The following CTSE variants were observed in gnomAD, a reference collection of about 807,000 sequenced individuals.
CTSE encodes erythrocyte membrane aspartic proteinase.
CTSE carries 43 observed loss-of-function variants against 42.8 expected under a neutral mutation model. The ratio of observed to expected loss-of-function variants is 1.01; its 90% CI spans 0.79 to 1.30. The LOEUF is 1.30. Ranked by LOEUF, CTSE falls within the 50% of genes most tolerant of loss-of-function variation. CTSE has a pLI of 0.00. For synonymous variants in CTSE, 205 were observed against 191.5 expected, an observed-to-expected ratio of 1.07 and a Z score of -0.58; for missense variants, 532 against 493.5, an observed-to-expected ratio of 1.08 and a Z score of -0.74.
At chr1:206,017,818 C>T (rs765173486) in intron 4 of CTSE, among the ~76,000 whole-genome samples, 2 of 152,058 alleles carry the variant, frequency 1.3e-5, no homozygotes, top group African/African-American at 4.8e-5. Flanking sequence ...CCAGCAACTT[C>T]GCTAAGTTCA....
chr1:206,013,274 A>G (rs1661168232), intron 6 of CTSE, among the ~76,000 whole-genome samples: 1 of 152,030 alleles, frequency 6.6e-6, no homozygotes, highest in South Asian at 2.1e-4. Flanking sequence ...CTCAGTTTCA[A>G]TGTAACCCCC....
chr1:206,016,659 T>G (rs1661273018), intron 4 of CTSE, among the ~76,000 whole-genome samples: 1 of 152,124 alleles, frequency 6.6e-6, no homozygotes, highest in Non-Finnish European at 1.5e-5. Context: ...TATCTGGATA[T>G]TCATATGACC....
At chr1:206,022,121 T>A in intron 3 of CTSE, 29 bp downstream of exon 3, 1 of 1,480,884 alleles carries the variant, frequency 6.8e-7, no homozygotes, top group Non-Finnish European at 9.3e-7. Flanking sequence ...CCCCAGACAT[T>A]CTCTGCTGGT....
rs1397080470 is a variant in CTSE, at chr1:206,012,378, A to G, written c.956T>C (p.Val319Ala). The change falls in exon 8 of 9, where the codon GTC becomes GCC. Residue 319 changes from valine to alanine, a missense_variant. By Grantham distance (64) the Val-to-Ala change is moderately conservative. Coordinates refer to ENST00000358184, the MANE Select transcript of CTSE (RefSeq NM_001910.4). ...AATGGTGAAGGTGACATCCGGCATG[A>G]CGTTAAGGTTGGCACACTCCACAGC... ...EYAVECANLN[V>A]MPDVTFTING... is the part of the protein sequence containing the mutation. The G allele has an allele frequency of 1.2e-5, 19 of 1,613,832 alleles. No individual in the cohort carries two copies. The highest frequency in any genetic ancestry group is 1.6e-5 in the Non-Finnish European group (19 of 1,179,922).
intron 4 of CTSE, among the ~76,000 whole-genome samples, chr1:206,018,598 A>G (rs1553277954): frequency 6.6e-6 from 1 of 151,910 alleles, no homozygotes; most frequent in African/African-American, 2.4e-5. Context: ...TCTTTAAAAG[A>G]TTCACATTTT....
chr1:206,018,989 G>A (rs1464423641), intron 4 of CTSE, among the ~76,000 whole-genome samples: 2 of 151,958 alleles, frequency 1.3e-5, no homozygotes, highest in Admixed American at 1.3e-4. Context: ...TGAAATAGGA[G>A]CTTAGATAAT....
At chr1:206,015,561 T>G (rs1553277611) in intron 5 of CTSE, among the ~76,000 whole-genome samples, 2 of 152,080 alleles carry the variant, frequency 1.3e-5, no homozygotes, top group South Asian at 2.1e-4. Context: ...ATTGTCAGCT[T>G]TTCATTTTTT....
chr1:206,023,776 G>T lies in CTSE; in HGVS notation c.16C>A (p.Leu6Ile). The T allele has an allele frequency of 6.2e-7, 1 of 1,613,756 alleles. No homozygotes were observed. The highest frequency in any genetic ancestry group is 1.1e-5 in the South Asian group (1 of 91,064). The change falls in exon 1 of 9, where the codon CTT becomes ATT. Residue 6 changes from leucine to isoleucine, a missense_variant. Transcript: ENST00000358184. ...AGCTCCAGGAGCACCAGCAGCAAAA[G>T]AAGGAGCGTTTTCATTGTGAGTCCG... MKTLL[L>I]LLLVLLELGE...
Position 206,021,038 on chromosome 1 carries a change from C to T in CTSE, c.462+11G>A, listed in dbSNP as rs1661401268. On this transcript the variant is annotated intron_variant, in intron 4 of 8. Coordinates refer to ENST00000358184, the MANE Select transcript of CTSE (RefSeq NM_001910.4). ...TGTCCAAGAGAGAAAAAATGAAGGA[C>T]TTGCACTCACAGAGACTTGGTCGGC... The T allele has an allele frequency of 6.4e-7, 1 of 1,566,962 alleles. No homozygotes were observed. The highest frequency in any genetic ancestry group is 8.8e-7 in the Non-Finnish European group (1 of 1,136,896).
chr1:206,015,783 CAG>C, intron 5 of CTSE, 146 bp downstream of exon 5: 1 of 676,702 alleles, frequency 1.5e-6, no homozygotes, highest in Non-Finnish European at 2.5e-6. Context: ...CCTCAATATT[CAG>C]AGAGGTTAAA....
rs148324445 is a variant in CTSE, at chr1:206,014,292, C to T, written c.663-398G>A. Among the ~76,000 whole-genome samples, 78 of 151,990 alleles carry T rather than the reference C, an allele frequency of 5.1e-4. 1 individual carries two copies. Among genetic ancestry groups the T allele is most frequent in the African/African-American group, 1.7e-3 (70 of 41,486 alleles). On this transcript the variant is annotated intron_variant, in intron 5 of 8. Transcript: ENST00000358184. ...CCACTATGGTTGTGACAGTGCCTGG[C>T]GTTTTTGTGTTATTCACTCCTTATG...
In CTSE at chr1:206,012,498, A is replaced by G. The variant is rs1661134377; in HGVS notation, c.927+10T>C. 3 of 1,613,880 alleles carry G rather than the reference A, an allele frequency of 1.9e-6. No homozygotes were observed. The highest frequency in any genetic ancestry group is 1.7e-5 in the Admixed American group (1 of 59,998). On this transcript the variant is annotated intron_variant, in intron 7 of 8. Transcript: ENST00000358184. ...GTCCCCACCACTCCCTTGCGCAGGC[A>G]GGCACTCACTTCTCCATCCACGGGG...
Position 206,023,853 on chromosome 1 carries a change from G to A in CTSE, c.-62C>T, listed in dbSNP as rs375297617. The A allele has an allele frequency of 6.4e-7, 1 of 1,554,564 alleles. No homozygotes were observed. Among genetic ancestry groups the A allele is most frequent in the Non-Finnish European group, 8.9e-7 (1 of 1,128,884 alleles). On this transcript the variant is annotated 5_prime_UTR_variant, in exon 1 of 9. Transcript: ENST00000358184. ...CTTTCTTCTCTCCCCGAGGGCAGTG[G>A]GAACGGACTTTCCCTAACTCTCAGA...
At chr1:206,020,042 C>A in intron 4 of CTSE, among the ~76,000 whole-genome samples, 1 of 142,692 alleles carries the variant, frequency 7.0e-6, no homozygotes. Context: ...TAATATATAA[C>A]ATGTATTATA....
chr1:206,020,158 A>C (rs1007777417), intron 4 of CTSE, among the ~76,000 whole-genome samples: 1 of 147,766 alleles, frequency 6.8e-6, no homozygotes, highest in Non-Finnish European at 1.5e-5. Context: ...TGTATATTAC[A>C]TATATTCATA....
rs782126822 is a variant in CTSE, at chr1:206,016,161, A to G, written c.463-31T>C. The G allele has an allele frequency of 2.9e-5, 47 of 1,596,656 alleles. 1 individual carries two copies. The highest frequency in any genetic ancestry group is 3.9e-5 in the Non-Finnish European group (45 of 1,164,922). ...AGGAGAAAGCCCACAGGAGAACAGGAGAATGGCACAGGGGATTGCTGGCAA... is the reference window on the plus strand; with the variant it reads ...AGGAGAAAGCCCACAGGAGAACAGGGGAATGGCACAGGGGATTGCTGGCAA... On this transcript the variant is annotated intron_variant, in intron 4 of 8. Transcript: ENST00000358184.
At chr1:206,013,678 C>G in intron 6 of CTSE, 94 bp downstream of exon 6, 1 of 1,478,384 alleles carries the variant, frequency 6.8e-7, no homozygotes. Flanking sequence ...GCATCCTCTG[C>G]TAGTGACCAG....
chr1:206,019,816 ATATAT>A (rs1406195007), intron 4 of CTSE, among the ~76,000 whole-genome samples: 2 of 142,742 alleles, frequency 1.4e-5, no homozygotes, highest in Admixed American at 1.4e-4. Flanking sequence ...ATATTATGTA[ATATAT>A]TATGTTAATC....
intron 3 of CTSE, 21 bp downstream of exon 3, chr1:206,022,129 G>T: frequency 1.3e-6 from 2 of 1,506,738 alleles, no homozygotes; most frequent in Non-Finnish European, 1.8e-6. Context: ...ATTCTCTGCT[G>T]GTGCTCCTGG....
Sources: gnomAD v4.1 joint callset for allele counts (sites outside exome capture counted in the v4.1 genomes callset) on GRCh38, gnomAD v4.1.1 for gene constraint, MANE v1.5 for transcripts, NCBI Gene and HGNC (gene_info 2026-07-23, HGNC 2026-07-21) for gene names.